The following AKAP10 variants were observed in gnomAD, a reference collection of about 807,000 sequenced individuals.
AKAP10 encodes the protein A-kinase anchor protein 10, mitochondrial.
A neutral mutation model predicts 80.8 loss-of-function variants in AKAP10; 24 were observed. The observed-to-expected ratio is 0.30, with a 90% CI of 0.22 to 0.42. The LOEUF is 0.42. Ranked by LOEUF, AKAP10 falls within the 10% of genes least tolerant of loss-of-function variation. AKAP10 has a pLI of 1.00. For synonymous variants in AKAP10, 291 were observed against 277.7 expected (o/e 1.05, Z -0.48); for missense variants, 661 against 794.9 (o/e 0.83, Z 2.03).
At chr17:19,946,277 T>TATAATATATATATATA (rs2043129056) in intron 5 of AKAP10, among the ~76,000 whole-genome samples, 1 of 14,468 alleles carries the variant, frequency 6.9e-5, no homozygotes, top group South Asian at 2.3e-3. Flanking sequence ...ATATATATAT[T>TATAATATATATATATA]TTTTTTTTTT....
intron 12 of AKAP10, among the ~76,000 whole-genome samples, chr17:19,911,565 G>GC (rs1296044178): frequency 2.0e-5 from 3 of 151,908 alleles, no homozygotes; most frequent in Non-Finnish European, 4.4e-5. Context: ...TGGGCTGGGC[G>GC]CGGTGGCTCA....
rs376371619 is a variant in AKAP10, at chr17:19,906,203, A to T, written c.*24T>A. On this transcript the variant is annotated 3_prime_UTR_variant, in exon 15 of 15. Transcript: ENST00000225737. ...AAGTTCTCTTATTTTTCACAAGCAG[A>T]TTTCCTTTATCTCAAGTTTTGAGTC... 1 of 1,605,606 alleles carries T rather than the reference A, an allele frequency of 6.2e-7. No individual in the cohort carries two copies. Among genetic ancestry groups the T allele is most frequent in the African/African-American group, 1.3e-5 (1 of 74,612 alleles).
intron 9 of AKAP10, chr17:19,935,856 G>A (rs2042986571): frequency 6.6e-6 from 1 of 152,428 alleles, no homozygotes; most frequent in East Asian, 1.9e-4. Context: ...TGTTTTCTTA[G>A]TAAGTAGAAG....
intron 9 of AKAP10, among the ~76,000 whole-genome samples, chr17:19,935,052 G>T (rs1597502230): frequency 6.6e-6 from 1 of 152,018 alleles, no homozygotes; most frequent in South Asian, 2.1e-4. Context: ...CAGAATTTCC[G>T]TTAGGCTGCT....
chr17:19,946,256 TATATATATATATA>T, intron 5 of AKAP10, among the ~76,000 whole-genome samples: 2 of 23,630 alleles, frequency 8.5e-5, no homozygotes, highest in Non-Finnish European at 1.5e-4. Context: ...TATATATATA[TATATATATATATA>T]TATATATTTT....
chr17:19,912,802 T>A (rs557886246), intron 12 of AKAP10, among the ~76,000 whole-genome samples: 1 of 152,150 alleles, frequency 6.6e-6, no homozygotes, highest in South Asian at 2.1e-4. Context: ...ATGATGAAAA[T>A]TCTTTCCAGC....
chr17:19,962,254 A>G (rs906326142), intron 3 of AKAP10, among the ~76,000 whole-genome samples: 12 of 151,852 alleles, frequency 7.9e-5, no homozygotes, highest in Admixed American at 7.2e-4. Context: ...TATAATGAAT[A>G]GCCTTCAACA....
Position 19,908,725 on chromosome 17 carries a change from C to T in AKAP10, c.1983+456G>A, listed in dbSNP as rs112229848. Among the ~76,000 whole-genome samples, 34 of 150,848 alleles carry T rather than the reference C, an allele frequency of 2.3e-4. 1 individual carries two copies. The highest frequency in any genetic ancestry group is 8.4e-4 in the South Asian group (4 of 4,758). On this transcript the variant is annotated intron_variant, in intron 14 of 14. Coordinates refer to ENST00000225737, the MANE Select transcript of AKAP10 (RefSeq NM_007202.4). ...TGTGATCTCGGCTCACTGCAACCTC[C>T]GCCTCCCTGGTTCAAGCGATTCTCC...
chr17:19,942,894 GT>G (rs199674143), intron 5 of AKAP10, among the ~76,000 whole-genome samples: 22 of 145,778 alleles, frequency 1.5e-4, no homozygotes, highest in East Asian at 2.0e-4. Context: ...TCTTTGCCCA[GT>G]TTTTTTTTTT....
intron 4 of AKAP10, among the ~76,000 whole-genome samples, chr17:19,953,858 C>G (rs533256776): frequency 1.3e-5 from 2 of 152,162 alleles, no homozygotes; most frequent in African/African-American, 4.8e-5. Context: ...ATGGTGAAAC[C>G]CTGTCTGCAT....
rs1412718733 is a variant in AKAP10 at position 19,958,570 on chromosome 17, G to A, written c.321C>T (p.Gly107=). 6.3e-7 allele frequency: 1 copy of A among 1,582,760 alleles called. No individual in the cohort carries two copies. The highest frequency in any genetic ancestry group is 1.4e-5 in the African/African-American group (1 of 73,906). The change falls in exon 4 of 15, where the codon GGC becomes GGT. Residue 107 remains glycine (G), a splice_region_variant and synonymous_variant. Coordinates refer to ENST00000225737, the MANE Select transcript of AKAP10 (RefSeq NM_007202.4). ...GAGTCTGGTAGTCCAGACAAGATCT[G>A]CCTAAAAGATAGAAGCAAAAGAATT... is the stretch of plus-strand genomic sequence containing the variant. ...HMEAAHFGDL[G]RSCLDYQTQE...
At chr17:19,947,087 C>A in intron 5 of AKAP10, 1 of 302,498 alleles carries the variant, frequency 3.3e-6, no homozygotes, top group Non-Finnish European at 6.2e-6. Context: ...TGCACTGGTG[C>A]GGGGCTGCCG....
At chr17:19,946,219 A>ATATATT (rs1352119195) in intron 5 of AKAP10, among the ~76,000 whole-genome samples, 1 of 26,696 alleles carries the variant, frequency 3.7e-5, no homozygotes, top group African/African-American at 1.3e-4. Context: ...ATATATATAT[A>ATATATT]TTTTATATAT....
rs2043147017 is a variant in AKAP10 at position 19,947,450 on chromosome 17, A to G, written c.933T>C (p.Ala311=). The change falls in exon 5 of 15, where the codon GCT becomes GCC. Residue 311 remains alanine, a synonymous_variant. Coordinates refer to ENST00000225737, the MANE Select transcript of AKAP10 (RefSeq NM_007202.4). ...TTGCTTCTGTAATTGGTATTGGTTTAGCAGCATCTGGAGATATATATTTGG... is the reference window on the plus strand; with the variant it reads ...TTGCTTCTGTAATTGGTATTGGTTTGGCAGCATCTGGAGATATATATTTGG... The part of the protein sequence containing the change: ...TFTKYISPDA[A]KPIPITEAMR... 16 of 1,612,554 alleles carry G rather than the reference A, an allele frequency of 9.9e-6. No individual in the cohort carries two copies. Among genetic ancestry groups the G allele is most frequent in the Non-Finnish European group, 1.4e-5 (16 of 1,178,752 alleles).
intron 4 of AKAP10, among the ~76,000 whole-genome samples, chr17:19,951,704 G>A (rs1295784439): frequency 6.6e-6 from 1 of 151,956 alleles, no homozygotes; most frequent in Non-Finnish European, 1.5e-5. Flanking sequence ...CAGCATGCTC[G>A]TTAAGAGTCA....
At chr17:19,953,049 C>A (rs2043233477) in intron 4 of AKAP10, among the ~76,000 whole-genome samples, 2 of 151,782 alleles carry the variant, frequency 1.3e-5, no homozygotes, top group South Asian at 4.2e-4. Flanking sequence ...TAAATGAAAT[C>A]ATTCAAAATA....
At chr17:19,930,847 A>G (rs975994128) in intron 10 of AKAP10, among the ~76,000 whole-genome samples, 5 of 152,110 alleles carry the variant, frequency 3.3e-5, no homozygotes, top group African/African-American at 1.2e-4. Context: ...AGTAGCTGGG[A>G]TTACAGGCAT....
intron 14 of AKAP10, among the ~76,000 whole-genome samples, chr17:19,907,427 TTGA>T: frequency 6.6e-6 from 1 of 151,150 alleles, no homozygotes; most frequent in African/African-American, 2.4e-5. Flanking sequence ...TTTTTTTTTT[TTGA>T]GACAGAGTCT....
At chr17:19,924,664 T>C (rs904574565) in intron 10 of AKAP10, 147 bp from the exon 11 acceptor site, 28 of 474,626 alleles carry the variant, frequency 5.9e-5, no homozygotes, top group African/African-American at 4.6e-4. Flanking sequence ...TTAACAACAA[T>C]GACTCTGAAA....
Sources: gnomAD v4.1 joint callset for allele counts (sites outside exome capture counted in the v4.1 genomes callset) on GRCh38, gnomAD v4.1.1 for gene constraint, MANE v1.5 for transcripts, NCBI Gene and HGNC (gene_info 2026-07-23, HGNC 2026-07-21) for gene names.